Variants in PPP2R3C observed in about 807,000 individuals in gnomAD.
The protein encoded by PPP2R3C is serine/threonine-protein phosphatase 2A regulatory subunit B'' subunit gamma.
Under a neutral mutation model 63.7 loss-of-function variants are expected in PPP2R3C, and 47 were observed. The ratio of observed to expected loss-of-function variants is 0.74; its 90% CI spans 0.58 to 0.94. The LOEUF is 0.94. PPP2R3C is among the 40% of genes least tolerant of loss of function. The probability of loss-of-function intolerance (pLI) is 0.00; values close to 1 mark genes in which losing one functional copy is unlikely to be tolerated. For missense variants in PPP2R3C, 421 were observed against 518.4 expected (o/e 0.81, Z 1.82); for synonymous variants, 180 against 177.4 (o/e 1.01, Z -0.12).
At chr14:35,089,802 A>G (rs1339983254) in intron 11 of PPP2R3C, among the ~76,000 whole-genome samples, 4 of 151,816 alleles carry the variant, frequency 2.6e-5, no homozygotes, top group Admixed American at 6.6e-5. Context: ...AGTAGCTGGG[A>G]CTATAGGCGC....
intron 2 of PPP2R3C, among the ~76,000 whole-genome samples, chr14:35,115,906 A>C (rs370322480): frequency 6.6e-6 from 1 of 152,098 alleles, no homozygotes; most frequent in Non-Finnish European, 1.5e-5. Context: ...TACAGGCATG[A>C]GCCACCATGC....
chr14:35,099,419 A>G, intron 6 of PPP2R3C, 35 bp from the exon 7 acceptor site: 1 of 1,570,062 alleles, frequency 6.4e-7, no homozygotes. Context: ...TTAAATGTCC[A>G]GTCTTGATTC....
Position 35,104,902 on chromosome 14 carries a change from T to C in PPP2R3C, c.573+2402A>G, listed in dbSNP as rs760935209. Among the ~76,000 whole-genome samples, 19 of 152,084 alleles carry C rather than the reference T, an allele frequency of 1.2e-4. No homozygotes were observed. The East Asian group carries it at 2.1e-3, about 17-fold the overall frequency. On this transcript the variant is annotated intron_variant, in intron 6 of 12. Coordinates refer to ENST00000261475, the MANE Select transcript of PPP2R3C (RefSeq NM_017917.4). ...ATCTGCTACCATGCTCAGCTAATGT[T>C]TTTGTATTTTTAATAGAGACAGGGT...
chr14:35,085,808 T>C, intron 12 of PPP2R3C, 30 bp from the exon 13 acceptor site: 1 of 1,546,574 alleles, frequency 6.5e-7, no homozygotes, highest in East Asian at 2.2e-5. Context: ...ACAATGAAAT[T>C]TGATCCACTT....
At chr14:35,122,089 G>A (rs2046925074), upstream of PPP2R3C, 18 of 948,642 alleles carry the variant, frequency 1.9e-5, no homozygotes, top group Non-Finnish European at 2.6e-5. Flanking sequence ...TTGATCGAGG[G>A]CGGAAGTCTT....
chr14:35,090,916 C>T (rs1403245492), intron 11 of PPP2R3C, among the ~76,000 whole-genome samples, 154 bp downstream of exon 11: 1 of 152,002 alleles, frequency 6.6e-6, no homozygotes, highest in Non-Finnish European at 1.5e-5. Flanking sequence ...GGGGTTTCAC[C>T]ATGTTAGCCA....
intron 1 of PPP2R3C, among the ~76,000 whole-genome samples, chr14:35,120,316 C>A (rs2046829432): frequency 6.6e-6 from 1 of 151,860 alleles, no homozygotes; most frequent in African/African-American, 2.4e-5. Context: ...CAATCTCGGG[C>A]TCACTGCAAG....
Position 35,108,349 on chromosome 14 carries a change from A to G in PPP2R3C, c.405-113T>C, listed in dbSNP as rs543217998. 15 of 1,290,772 alleles carry G rather than the reference A, an allele frequency of 1.2e-5. No individual in the cohort carries two copies. In the South Asian group the frequency reaches 2.4e-4, roughly 20 times the overall value. The allele number at this position is 1,290,772 out of a possible 1,614,324, so 80.0% of individuals were successfully genotyped here. A position where few individuals can be genotyped will look rare whatever the true frequency, so the allele number is the denominator to read the frequency against. On this transcript the variant is annotated intron_variant, in intron 4 of 12. Coordinates refer to ENST00000261475, the MANE Select transcript of PPP2R3C (RefSeq NM_017917.4). The stretch of plus-strand genomic sequence containing the variant: ...ATACAATTAAAAATGAAAGAACAAT[A>G]GAGACTCCTTATAATTCAAAAACTT...
chr14:35,087,939 G>A lies in PPP2R3C; in HGVS notation c.1173+12C>T, dbSNP rs757138979. On this transcript the variant is annotated intron_variant, in intron 12 of 12. Transcript: ENST00000261475. The stretch of plus-strand genomic sequence containing the variant: ...ATTATCTGGTAATACGTAAATTAAA[G>A]GAAAAGATAACCTTGACATCTTGAA... 83 of 1,578,282 alleles carry A rather than the reference G, an allele frequency of 5.3e-5. No homozygotes were observed. Among genetic ancestry groups the A allele is most frequent in the Admixed American group, 3.0e-4 (18 of 59,876 alleles).
chr14:35,094,139 C>T (rs1257940685), intron 10 of PPP2R3C, among the ~76,000 whole-genome samples: 1 of 152,078 alleles, frequency 6.6e-6, no homozygotes, highest in Admixed American at 6.6e-5. Context: ...AATGACGGAA[C>T]TATCTAGCTG....
chr14:35,095,163 TTATC>T lies in PPP2R3C; in HGVS notation c.856_859del (p.Asp286LysfsTer20), dbSNP rs1399712619. ...TTTACTGAGCATGCCATTGTGATCT[TTATC>T]AAGATTCAAGTACTGGCCTTGGGAA... On this transcript the variant is annotated frameshift_variant, in exon 10 of 13. Transcript: ENST00000261475. LOFTEE classifies it high-confidence loss of function. The T allele has an allele frequency of 3.1e-6, 5 of 1,613,626 alleles. No individual in the cohort carries two copies. The highest frequency in any genetic ancestry group is 4.2e-6 in the Non-Finnish European group (5 of 1,179,696).
chr14:35,122,034 A>G (rs1212533042), upstream of PPP2R3C: 7 of 1,540,772 alleles, frequency 4.5e-6, no homozygotes, highest in African/African-American at 6.8e-5. Flanking sequence ...AGGCGTCAGC[A>G]CCGCCAGGCC....
At chr14:35,095,295 A>G in intron 9 of PPP2R3C, 111 bp from the exon 10 acceptor site, 1 of 1,091,376 alleles carries the variant, frequency 9.2e-7, no homozygotes, top group Non-Finnish European at 1.3e-6. Flanking sequence ...CAAACTATTC[A>G]TGTTATGATT....
rs756749183 is a variant in PPP2R3C at position 35,095,093 on chromosome 14, G to A, written c.930C>T (p.Phe310=). The part of the protein sequence containing the change: ...RYGTATMTNV[F]LDRVFQECLT... ...GACACTCCTGGAAAACACGGTCTAAGAAGACATTGGTCATGGTAGCTGTTC... is the reference window on the plus strand; with the variant it reads ...GACACTCCTGGAAAACACGGTCTAAAAAGACATTGGTCATGGTAGCTGTTC... The change falls in exon 10 of 13, where the codon TTC becomes TTT. Residue 310 remains phenylalanine, a synonymous_variant. Coordinates refer to ENST00000261475, the MANE Select transcript of PPP2R3C (RefSeq NM_017917.4). The A allele has an allele frequency of 2.2e-5, 36 of 1,608,178 alleles. No homozygotes were observed. The highest frequency in any genetic ancestry group is 2.8e-5 in the Non-Finnish European group (33 of 1,174,566).
chr14:35,106,654 A>G (rs1238639729), intron 6 of PPP2R3C, among the ~76,000 whole-genome samples: 4 of 129,980 alleles, frequency 3.1e-5, no homozygotes, highest in Non-Finnish European at 4.7e-5. Flanking sequence ...CACTGCACCC[A>G]GCCAATACAT....
chr14:35,089,565 G>A (rs1247821058), intron 11 of PPP2R3C, among the ~76,000 whole-genome samples: 1 of 152,132 alleles, frequency 6.6e-6, no homozygotes, highest in East Asian at 1.9e-4. Context: ...TGTTGCCCAG[G>A]CTGGTCTCAA....
chr14:35,099,159 T>A (rs1595094316), intron 7 of PPP2R3C, 93 bp downstream of exon 7: 1 of 1,364,980 alleles, frequency 7.3e-7, no homozygotes. Context: ...GACAGGAAAA[T>A]AAATGATATT....
At chr14:35,120,470 C>T (rs2046837243) in intron 1 of PPP2R3C, among the ~76,000 whole-genome samples, 1 of 151,732 alleles carries the variant, frequency 6.6e-6, no homozygotes, top group East Asian at 1.9e-4. Flanking sequence ...TGGTCTCGAT[C>T]TGCTGACCTC....
intron 1 of PPP2R3C, among the ~76,000 whole-genome samples, chr14:35,120,828 T>C (rs2046857580): frequency 6.6e-6 from 1 of 152,016 alleles, no homozygotes; most frequent in African/African-American, 2.4e-5. Flanking sequence ...TGCCTGTACT[T>C]CTAGCTGCTC....
Sources: gnomAD v4.1 joint callset for allele counts (sites outside exome capture counted in the v4.1 genomes callset) on GRCh38, gnomAD v4.1.1 for gene constraint, MANE v1.5 for transcripts, NCBI Gene and HGNC (gene_info 2026-07-23, HGNC 2026-07-21) for gene names.